SEMA3D: variants seen among roughly 807,000 people sequenced by gnomAD.
SEMA3D encodes semaphorin-3D.
Under a neutral mutation model 100.1 loss-of-function variants are expected in SEMA3D, and 84 were observed. That is an observed-to-expected ratio of 0.84 (90% CI 0.70 to 1.01). The LOEUF is 1.01. SEMA3D is among the 50% of genes least tolerant of loss of function. The pLI is 0.00. For synonymous variants in SEMA3D, 312 were observed against 320.7 expected (o/e 0.97, Z 0.29); for missense variants, 875 against 934.1 (o/e 0.94, Z 0.82).
chr7:85,077,998 T>C (rs1453978737), intron 5 of SEMA3D, among the ~76,000 whole-genome samples: 2 of 152,106 alleles, frequency 1.3e-5, no homozygotes, highest in African/African-American at 4.8e-5. Context: ...CTATTAAAAG[T>C]AGTGTTAAAG....
chr7:85,162,194 G>C (rs553535705), intron 1 of SEMA3D, among the ~76,000 whole-genome samples: 1 of 152,032 alleles, frequency 6.6e-6, no homozygotes, highest in South Asian at 2.1e-4. Context: ...CCAAAGTCAA[G>C]TAGAAAGAAG....
intron 2 of SEMA3D, among the ~76,000 whole-genome samples, chr7:85,127,517 T>A (rs1015973494): frequency 6.6e-6 from 1 of 152,124 alleles, no homozygotes; most frequent in Non-Finnish European, 1.5e-5. Flanking sequence ...GTTTAAGCCT[T>A]GTGGGTTTCA....
At chr7:85,051,560 A>G (rs1226209583) in intron 9 of SEMA3D, among the ~76,000 whole-genome samples, 1 of 151,844 alleles carries the variant, frequency 6.6e-6, no homozygotes, top group Admixed American at 6.6e-5. Context: ...TTGATCTTGC[A>G]CTACAAATCT....
rs948801923 is a variant in SEMA3D, at chr7:85,042,197, C to T, written c.950G>A (p.Gly317Glu). Reference protein sequence around the residue: ...RLICSIPGSDGADTYFDELQD... With the variant: ...RLICSIPGSDEADTYFDELQD... ...AAGCTCATCAAAGTAAGTATCTGCC[C>T]CATCACTTCCAGGAATTGAGCAAAT... The change falls in exon 10 of 19, where the codon GGG becomes GAG. Residue 317 changes from glycine to glutamate, a missense_variant. By Grantham distance (98) the Gly-to-Glu change is moderately conservative. Transcript: ENST00000284136. The T allele has an allele frequency of 6.8e-6, 11 of 1,612,772 alleles. No homozygotes were observed. The African/African-American group carries it at 1.3e-4, about 20-fold the overall frequency.
chr7:85,131,689 TG>T (rs1305738036), intron 2 of SEMA3D, among the ~76,000 whole-genome samples: 4 of 151,904 alleles, frequency 2.6e-5, no homozygotes, highest in Non-Finnish European at 4.4e-5. Flanking sequence ...GTACATTCAA[TG>T]GTATTTTCAA....
chr7:85,183,905 T>A (rs1384575875), intron 1 of SEMA3D, among the ~76,000 whole-genome samples: 1 of 152,158 alleles, frequency 6.6e-6, no homozygotes, highest in African/African-American at 2.4e-5. Flanking sequence ...GGACAATAAG[T>A]AGACTGAGGA....
intron 12 of SEMA3D, among the ~76,000 whole-genome samples, chr7:85,035,483 G>T (rs1790669237): frequency 6.6e-6 from 1 of 151,948 alleles, no homozygotes; most frequent in Non-Finnish European, 1.5e-5. Flanking sequence ...TAAGCCATTT[G>T]CAGAGAAATA....
chr7:85,075,874 T>C (rs1791909047), intron 5 of SEMA3D, among the ~76,000 whole-genome samples: 1 of 152,212 alleles, frequency 6.6e-6, no homozygotes, highest in Non-Finnish European at 1.5e-5. Flanking sequence ...TGACTTCCCT[T>C]TCAACTCATA....
chr7:85,158,408 C>T (rs1790656132), intron 1 of SEMA3D, among the ~76,000 whole-genome samples: 1 of 152,126 alleles, frequency 6.6e-6, no homozygotes, highest in South Asian at 2.1e-4. Flanking sequence ...GAAATAAGCC[C>T]CGGTCTCCTG....
chr7:85,126,404 CGTGTGTGTGTGTGT>C (rs374819280), intron 2 of SEMA3D, among the ~76,000 whole-genome samples: 1 of 134,164 alleles, frequency 7.5e-6, no homozygotes, highest in East Asian at 2.2e-4. Flanking sequence ...GTGTGTGTGT[CGTGTGTGTGTGTGT>C]GTGTGTGTGT....
the SEMA3D span, among the ~76,000 whole-genome samples, chr7:85,238,032 C>A: frequency 1.3e-5 from 2 of 152,164 alleles, no homozygotes; most frequent in Non-Finnish European, 1.5e-5. Flanking sequence ...TGTTGAACAT[C>A]TTTTCAAATG....
chr7:85,085,740 G>T (rs1788196150), intron 4 of SEMA3D, among the ~76,000 whole-genome samples: 1 of 152,116 alleles, frequency 6.6e-6, no homozygotes, highest in Non-Finnish European at 1.5e-5. Context: ...GCTCTTAATA[G>T]TTTCAACTCT....
chr7:85,207,867 T>G, the SEMA3D span, among the ~76,000 whole-genome samples: 4 of 152,070 alleles, frequency 2.6e-5, no homozygotes, highest in East Asian at 5.8e-4. Flanking sequence ...GGTCTTTATC[T>G]TGGTCATTTA....
Position 85,012,825 on chromosome 7 carries a change from T to C in SEMA3D, c.1725A>G (p.Val575=). 6.2e-7 allele frequency: 1 copy of C among 1,610,664 alleles called. No homozygotes were observed. The highest frequency in any genetic ancestry group is 8.5e-7 in the Non-Finnish European group (1 of 1,177,660). ...ACTGGGTGATTGGGTCGCCATATTT[T>C]ACATCTTGGCGTCTAGCTCTCCTGC... The part of the protein sequence containing the change: ...TSKRRARRQD[V]KYGDPITQCW... The change falls in exon 17 of 19, where the codon GTA becomes GTG. Residue 575 remains valine, a synonymous_variant. Coordinates refer to ENST00000284136, the MANE Select transcript of SEMA3D (RefSeq NM_001384900.1).
At chr7:85,034,773 C>T (rs1790646134) in intron 12 of SEMA3D, among the ~76,000 whole-genome samples, 1 of 152,054 alleles carries the variant, frequency 6.6e-6, no homozygotes, top group Admixed American at 6.6e-5. Flanking sequence ...TATCACTCCA[C>T]ATCTGTCAGG....
chr7:85,099,709 G>C (rs1023287960), intron 3 of SEMA3D, among the ~76,000 whole-genome samples: 1 of 151,712 alleles, frequency 6.6e-6, no homozygotes, highest in Non-Finnish European at 1.5e-5. Context: ...CAGTGTTTTC[G>C]ATTTTGGCCA....
chr7:85,107,759 C>G (rs866837851), intron 3 of SEMA3D, among the ~76,000 whole-genome samples: 1 of 151,974 alleles, frequency 6.6e-6, no homozygotes, highest in Non-Finnish European at 1.5e-5. Context: ...GTCTGTTTAA[C>G]CCCCCTCACA....
intron 4 of SEMA3D, among the ~76,000 whole-genome samples, chr7:85,085,431 C>T (rs1235333876): frequency 6.6e-6 from 1 of 152,038 alleles, no homozygotes; most frequent in African/African-American, 2.4e-5. Context: ...AGAGGAGGGG[C>T]TTATTTAAAG....
At chr7:85,061,047 T>C (rs932962857) in intron 8 of SEMA3D, among the ~76,000 whole-genome samples, 2 of 152,176 alleles carry the variant, frequency 1.3e-5, no homozygotes, top group African/African-American at 4.8e-5. Context: ...TTTGCATCTA[T>C]ATTCCTATTT....
Sources: allele counts gnomAD v4.1 joint callset (sites outside exome capture counted in the v4.1 genomes callset), GRCh38; gene constraint gnomAD v4.1.1; transcripts MANE v1.5; gene names NCBI Gene and HGNC (gene_info 2026-07-23, HGNC 2026-07-21).